Variants in PDZRN3 observed in about 807,000 individuals in gnomAD.
PDZRN3 encodes the protein E3 ubiquitin-protein ligase PDZRN3.
Under a neutral mutation model 85.7 loss-of-function variants are expected in PDZRN3, and 38 were observed. The observed-to-expected ratio is 0.44, with a 90% confidence interval of 0.34 to 0.58. The LOEUF (loss-of-function observed/expected upper bound fraction) is 0.58, where lower values mean the gene tolerates loss of function less well. Ranked by LOEUF, PDZRN3 falls within the 20% of genes least tolerant of loss-of-function variation. The pLI is 0.01. For missense variants in PDZRN3, 1,629 were observed against 1,506.4 expected, an observed-to-expected ratio of 1.08 and a Z score of -1.35; for synonymous variants, 759 against 638.0, an observed-to-expected ratio of 1.19 and a Z score of -2.86.
chr3:73,447,872 T>C (rs6800289), intron 3 of PDZRN3, among the ~76,000 whole-genome samples: 9,451 of 152,266 alleles, frequency 0.062, 412 homozygotes, highest in Middle Eastern at 0.13. Context: ...CCCTGGTCCT[T>C]TCATAGTATA....
At chr3:73,393,529 G>A (rs1337795321) in intron 5 of PDZRN3, among the ~76,000 whole-genome samples, 1 of 152,158 alleles carries the variant, frequency 6.6e-6, no homozygotes, top group East Asian at 1.9e-4. Context: ...TGGTGAACGC[G>A]TCGCAGATGG....
At chr3:73,592,482 G>A (rs1182349908) in intron 3 of PDZRN3, among the ~76,000 whole-genome samples, 3 of 152,096 alleles carry the variant, frequency 2.0e-5, no homozygotes, top group Non-Finnish European at 4.4e-5. Flanking sequence ...AGGAAGCAAT[G>A]AAAGAAGGAA....
chr3:73,486,996 C>T (rs1465159359), intron 3 of PDZRN3, among the ~76,000 whole-genome samples: 1 of 152,106 alleles, frequency 6.6e-6, no homozygotes, highest in African/African-American at 2.4e-5. Flanking sequence ...TATTTTACAC[C>T]TTGTCTCCTC....
Position 73,429,424 on chromosome 3 carries a change from C to T in PDZRN3, c.919-25029G>A, listed in dbSNP as rs565669895. Among the ~76,000 whole-genome samples the T allele has an allele frequency of 6.6e-5, 10 of 152,244 alleles. No individual in the cohort carries two copies. The South Asian group carries it at 1.0e-3, about 16-fold the overall frequency. On this transcript the variant is annotated intron_variant, in intron 3 of 9. Coordinates refer to ENST00000263666, the MANE Select transcript of PDZRN3 (RefSeq NM_015009.3). ...TAATTGGGTCCATACTTAATCGAAC[C>T]GTGACCCATCTGACTCTCAGCTGAT...
intron 3 of PDZRN3, among the ~76,000 whole-genome samples, chr3:73,438,092 C>T (rs1702564523): frequency 6.6e-6 from 1 of 152,158 alleles, no homozygotes; most frequent in South Asian, 2.1e-4. Flanking sequence ...CACCAGAGCA[C>T]AAGGCACTCT....
At chr3:73,612,991 A>G (rs142790760) in intron 1 of PDZRN3, among the ~76,000 whole-genome samples, 189 of 152,310 alleles carry the variant, frequency 1.2e-3, no homozygotes, top group African/African-American at 4.5e-3. Context: ...TCCCACATAC[A>G]TTACTCTTCT....
chr3:73,508,088 CA>C (rs371619619), intron 3 of PDZRN3, among the ~76,000 whole-genome samples: 14 of 146,958 alleles, frequency 9.5e-5, no homozygotes, highest in African/African-American at 1.5e-4. Context: ...GAGACGGTCT[CA>C]AAAAAAAAAG....
intron 2 of PDZRN3, among the ~76,000 whole-genome samples, chr3:73,606,135 G>GTAA (rs1482928885): frequency 2.6e-5 from 4 of 152,212 alleles, no homozygotes; most frequent in Admixed American, 6.5e-5. Context: ...CTTTGGTGTG[G>GTAA]TTTAGACCTG....
Position 73,391,070 on chromosome 3 carries a change from G to A in PDZRN3, c.1301C>T (p.Thr434Ile). 6.2e-7 allele frequency: 1 copy of A among 1,613,952 alleles called. No homozygotes were observed. The highest frequency in any genetic ancestry group is 2.2e-5 in the East Asian group (1 of 44,882). ...RMNSQDKLGL[T>I]VCYRTDDEDD... The stretch of plus-strand genomic sequence containing the variant: ...TTCATCGTCCGTCCGGTAGCACACA[G>A]TGAGGCCCAGCTTGTCCTGGCTGTT... Residue 434 changes from threonine to isoleucine, a missense_variant, in exon 6 of 10, where the codon ACT becomes ATT. Coordinates refer to ENST00000263666, the MANE Select transcript of PDZRN3 (RefSeq NM_015009.3).
chr3:73,417,354 AG>A (rs1702113081), intron 3 of PDZRN3, among the ~76,000 whole-genome samples: 1 of 152,222 alleles, frequency 6.6e-6, no homozygotes, highest in African/African-American at 2.4e-5. Flanking sequence ...CTTGCTGCTC[AG>A]GCTTTCTTAG....
At chr3:73,614,365 G>A (rs770612813) in intron 1 of PDZRN3, among the ~76,000 whole-genome samples, 7 of 152,120 alleles carry the variant, frequency 4.6e-5, no homozygotes, top group Non-Finnish European at 8.8e-5. Flanking sequence ...TCAAAAGCTT[G>A]GACACAAGAC....
intron 3 of PDZRN3, among the ~76,000 whole-genome samples, chr3:73,482,669 C>T (rs927100493): frequency 6.6e-6 from 1 of 152,202 alleles, no homozygotes; most frequent in Non-Finnish European, 1.5e-5. Context: ...CCTAAACACA[C>T]TTTAAGGAGT....
chr3:73,383,168 A>C lies in PDZRN3; in HGVS notation c.*197T>G. 1 of 519,714 alleles carries C rather than the reference A, an allele frequency of 1.9e-6. No individual in the cohort carries two copies. Among genetic ancestry groups the C allele is most frequent in the Non-Finnish European group, 3.3e-6 (1 of 300,042 alleles). The allele number at this position is 519,714 out of a possible 1,614,324, so 32.2% of individuals were successfully genotyped here. ...GCTCTGTTTGTTAATATTGCCTTCC[A>C]AGATAGTAAGGGTGTTTTTCTCTCT... On this transcript the variant is annotated 3_prime_UTR_variant, in exon 10 of 10. Coordinates refer to ENST00000263666, the MANE Select transcript of PDZRN3 (RefSeq NM_015009.3).
chr3:73,393,176 G>A (rs1044012063), intron 5 of PDZRN3, among the ~76,000 whole-genome samples: 1 of 152,090 alleles, frequency 6.6e-6, no homozygotes, highest in East Asian at 1.9e-4. Flanking sequence ...ACAGGTCCAC[G>A]TGCAACCCAA....
At chr3:73,585,615 A>G (rs1331405962) in intron 3 of PDZRN3, among the ~76,000 whole-genome samples, 1 of 152,118 alleles carries the variant, frequency 6.6e-6, no homozygotes, top group Non-Finnish European at 1.5e-5. Flanking sequence ...CTTCACTGAG[A>G]ATTCAGTTTA....
rs1012801023 is a variant in PDZRN3 at position 73,407,912 on chromosome 3, G to A, written c.919-3517C>T. On this transcript the variant is annotated intron_variant, in intron 3 of 9. Transcript: ENST00000263666. The stretch of plus-strand genomic sequence containing the variant: ...GCATTGATACAACAGCATCCATACT[G>A]CCCAGGTTACAGAGGGAAGAGCAGT... The A allele has an allele frequency of 8.9e-6, 5 of 563,658 alleles. No homozygotes were observed. The African/African-American group carries it at 9.5e-5, about 11-fold the overall frequency. 34.9% of individuals were successfully genotyped at this position (563,658 alleles called of 1,614,324 possible). A position where few individuals can be genotyped will look rare whatever the true frequency, so the allele number is the denominator to read the frequency against.
At chr3:73,531,899 C>G (rs1006034270) in intron 3 of PDZRN3, among the ~76,000 whole-genome samples, 4 of 152,250 alleles carry the variant, frequency 2.6e-5, no homozygotes, top group African/African-American at 9.6e-5. Flanking sequence ...CTGCTGATAG[C>G]TGGCCCTGTG....
intron 3 of PDZRN3, among the ~76,000 whole-genome samples, chr3:73,472,392 C>T (rs1703361883): frequency 6.6e-6 from 1 of 152,194 alleles, no homozygotes. Context: ...CTCAGGGACA[C>T]GTTGCTGGGT....
At chr3:73,385,407 CAT>C (rs901891213) in intron 9 of PDZRN3, among the ~76,000 whole-genome samples, 7 of 152,230 alleles carry the variant, frequency 4.6e-5, no homozygotes, top group Non-Finnish European at 7.3e-5. Flanking sequence ...AATGCCAACG[CAT>C]ATGTTTTCCA....
Sources: allele counts gnomAD v4.1 joint callset (sites outside exome capture counted in the v4.1 genomes callset), GRCh38; gene constraint gnomAD v4.1.1; transcripts MANE v1.5; gene names NCBI Gene and HGNC (gene_info 2026-07-23, HGNC 2026-07-21).